The following MDN1 variants were observed in gnomAD, a reference collection of about 807,000 sequenced individuals.
MDN1 encodes the protein midasin.
A neutral mutation model predicts 669.2 loss-of-function variants in MDN1; 266 were observed. That is an observed-to-expected ratio of 0.40 (90% CI 0.36 to 0.44). MDN1 has a LOEUF of 0.44. Among genes scored for constraint, MDN1 ranks in the 20% least tolerant of loss-of-function variants. The pLI is 1.00. For missense variants in MDN1, 5,940 were observed against 6,754.0 expected (o/e 0.88, Z 4.22); for synonymous variants, 2,385 against 2,457.1 (o/e 0.97, Z 0.87).
At chr6:89,719,870 T>C (rs974801983) in intron 40 of MDN1, among the ~76,000 whole-genome samples, 5 of 152,192 alleles carry the variant, frequency 3.3e-5, no homozygotes, top group Admixed American at 2.6e-4. Flanking sequence ...ATTATTTACA[T>C]TGTTATCCTT....
At chr6:89,812,002 T>C (rs940928228) in intron 1 of MDN1, among the ~76,000 whole-genome samples, 6 of 151,988 alleles carry the variant, frequency 3.9e-5, no homozygotes, top group East Asian at 1.9e-4. Context: ...TTTTTTTTTT[T>C]CTGAGATGGA....
In MDN1 at chr6:89,794,087, G is replaced by A; in HGVS notation, c.662+13C>T. 6.6e-7 allele frequency: 1 copy of A among 1,522,250 alleles called. No homozygotes were observed. The highest frequency in any genetic ancestry group is 8.9e-7 in the Non-Finnish European group (1 of 1,120,340). The allele number at this position is 1,522,250 out of a possible 1,614,324, so 94.3% of individuals were successfully genotyped here. A position where few individuals can be genotyped will look rare whatever the true frequency, so the allele number is the denominator to read the frequency against. On this transcript the variant is annotated intron_variant, in intron 4 of 101. Transcript: ENST00000369393. Reference sequence around the variant, plus strand: ...AATGCTATAGCAAGACCTCCACGAAGGTTCCTGCTTACCTCAACCTGAAAT... The same window carrying A: ...AATGCTATAGCAAGACCTCCACGAAAGTTCCTGCTTACCTCAACCTGAAAT...
At chr6:89,670,308 G>A (rs1810662184) in intron 83 of MDN1, among the ~76,000 whole-genome samples, 1 of 149,696 alleles carries the variant, frequency 6.7e-6, no homozygotes, top group African/African-American at 2.5e-5. Flanking sequence ...TTGAGTAGCT[G>A]GGATTACAGG....
In MDN1 at chr6:89,642,801, T is replaced by TTAA. The variant is rs2128296630; in HGVS notation, c.*1201_*1203dup. 6.6e-6 allele frequency: 1 copy of TTAA among 152,350 alleles called. No individual in the cohort carries two copies. Among genetic ancestry groups the TTAA allele is most frequent in the South Asian group, 2.1e-4 (1 of 4,826 alleles). 9.4% of individuals were successfully genotyped at this position (152,350 alleles called of 1,614,324 possible). A position where few individuals can be genotyped will look rare whatever the true frequency, so the allele number is the denominator to read the frequency against. On this transcript the variant is annotated 3_prime_UTR_variant, in exon 102 of 102. Transcript: ENST00000369393. ...TACATCAACAACAGTGGTATATGTT[T>TTAA]TAATAGTTTTCAGAATATAAGCTGC...
chr6:89,642,687 A>G lies in MDN1; in HGVS notation c.*1318T>C, dbSNP rs1390559431. ...CATGTTAGCACAGCATCAACTAGTA[A>G]CAGCTGACTGACTGATCCAGCAGAG... On this transcript the variant is annotated 3_prime_UTR_variant, in exon 102 of 102. Transcript: ENST00000369393. The G allele has an allele frequency of 6.6e-6, 1 of 152,212 alleles. No individual in the cohort carries two copies. Among genetic ancestry groups the G allele is most frequent in the Non-Finnish European group, 1.5e-5 (1 of 68,040 alleles). 9.4% of individuals were successfully genotyped at this position (152,212 alleles called of 1,614,324 possible).
chr6:89,790,723 T>A (rs903716515), intron 5 of MDN1, among the ~76,000 whole-genome samples: 3 of 151,518 alleles, frequency 2.0e-5, no homozygotes, highest in African/African-American at 7.3e-5. Context: ...AATAAATTTT[T>A]AAAAATAAAG....
At chr6:89,655,719 TAGAG>T in intron 92 of MDN1, 41 bp downstream of exon 92, 2 of 1,496,114 alleles carry the variant, frequency 1.3e-6, no homozygotes, top group Non-Finnish European at 1.8e-6. Flanking sequence ...CAAGCTCTCA[TAGAG>T]AGCTCAGTGG....
At chr6:89,691,768 T>C (rs1812394025) in intron 63 of MDN1, among the ~76,000 whole-genome samples, 1 of 152,216 alleles carries the variant, frequency 6.6e-6, no homozygotes, top group Non-Finnish European at 1.5e-5. Context: ...TAGTGGTTTG[T>C]TGTACATTTT....
Position 89,742,999 on chromosome 6 carries a change from C to T in MDN1, c.4448+151G>A, listed in dbSNP as rs1816371538. On this transcript the variant is annotated intron_variant, in intron 31 of 101. Coordinates refer to ENST00000369393, the MANE Select transcript of MDN1 (RefSeq NM_014611.3). ...TATCTATAAAAATCACATCAATCACCTGAGCCCAGAAGTTTGAGGCTACAG... is the reference window on the plus strand; with the variant it reads ...TATCTATAAAAATCACATCAATCACTTGAGCCCAGAAGTTTGAGGCTACAG... 6 of 880,360 alleles carry T rather than the reference C, an allele frequency of 6.8e-6. No individual in the cohort carries two copies. The South Asian group carries it at 9.7e-5, about 14-fold the overall frequency. 54.5% of individuals were successfully genotyped at this position (880,360 alleles called of 1,614,324 possible).
In MDN1 at chr6:89,778,728, C is replaced by CA. The variant is rs547368139; in HGVS notation, c.1725+1483dup. ...TGAAACCCCATCTCTACTAAAAATG[C>CA]AAAAAAAATTAGCTGGGTGTGGTGG... On this transcript the variant is annotated intron_variant, in intron 11 of 101. Coordinates refer to ENST00000369393, the MANE Select transcript of MDN1 (RefSeq NM_014611.3). Among the ~76,000 whole-genome samples the CA allele has an allele frequency of 6.0e-3, 902 of 150,340 alleles. 24 individuals carry two copies. In the East Asian group the frequency reaches 0.093, roughly 15 times the overall value.
intron 2 of MDN1, among the ~76,000 whole-genome samples, chr6:89,795,877 C>A (rs1819566041): frequency 1.3e-5 from 2 of 152,068 alleles, no homozygotes; most frequent in African/African-American, 4.8e-5. Flanking sequence ...ATCGCTTGAA[C>A]CCGGGAAGCG....
At chr6:89,701,439 G>GC in intron 55 of MDN1, 119 bp downstream of exon 55, 1 of 1,328,738 alleles carries the variant, frequency 7.5e-7, no homozygotes, top group South Asian at 1.4e-5. Context: ...AAGGAAAACT[G>GC]CAAGAGTTAT....
rs1408408835 is a variant in MDN1, at chr6:89,676,085, A to G, written c.12645+17T>C. The G allele has an allele frequency of 6.2e-7, 1 of 1,609,030 alleles. No homozygotes were observed. Among genetic ancestry groups the G allele is most frequent in the South Asian group, 1.1e-5 (1 of 90,924 alleles). On this transcript the variant is annotated intron_variant, in intron 77 of 101. Coordinates refer to ENST00000369393, the MANE Select transcript of MDN1 (RefSeq NM_014611.3). ...CTTTCCCTGAGCCCCTGCAAGACTC[A>G]TGTTCTATCATTCTACCTTGGCAGG...
At position 89,776,901 on chromosome 6, in the gene MDN1, T is replaced by C. The variant is rs546618701; in HGVS notation, c.1726-206A>G. Among the ~76,000 whole-genome samples the C allele has an allele frequency of 6.6e-5, 10 of 152,174 alleles. No homozygotes were observed. In the South Asian group the frequency reaches 1.5e-3, roughly 22 times the overall value. On this transcript the variant is annotated intron_variant, in intron 11 of 101. Coordinates refer to ENST00000369393, the MANE Select transcript of MDN1 (RefSeq NM_014611.3). Reference sequence around the variant, plus strand: ...ACAGGACACCAATAAATATAAATAATTGACTATTGAAATACTTGCCAAATA... The same window carrying C: ...ACAGGACACCAATAAATATAAATAACTGACTATTGAAATACTTGCCAAATA...
chr6:89,701,995 G>A lies in MDN1; in HGVS notation c.8215C>T (p.Pro2739Ser), dbSNP rs375321063. The change falls in exon 54 of 102, where the codon CCA (proline) becomes TCA (serine). Residue 2739 changes from proline (P) to serine (S), a missense_variant. By Grantham distance (74) the Pro-to-Ser change is moderately conservative. Coordinates refer to ENST00000369393, the MANE Select transcript of MDN1 (RefSeq NM_014611.3). ...TVADTVKVDA[P>S]GLALLALHWH... ...TGGAGGGCAAGAAGGGCCAGACCTG[G>A]GGCATCTACTTTTACTGTGTCGGCC... is the stretch of plus-strand genomic sequence containing the variant. The A allele has an allele frequency of 3.1e-6, 5 of 1,613,704 alleles. No individual in the cohort carries two copies. The South Asian group carries it at 4.4e-5, about 14-fold the overall frequency.
At chr6:89,692,341 C>G (rs1246437524) in intron 63 of MDN1, 102 bp downstream of exon 63, 2 of 1,019,174 alleles carry the variant, frequency 2.0e-6, no homozygotes, top group African/African-American at 3.2e-5. Context: ...CCCAACGACA[C>G]TGTGTATCTA....
chr6:89,729,733 CATTT>C (rs1194163927), intron 35 of MDN1, among the ~76,000 whole-genome samples: 1 of 98,664 alleles, frequency 1.0e-5, no homozygotes, highest in Non-Finnish European at 1.9e-5. Context: ...GCTAGGAAAA[CATTT>C]ATTACCTCAC....
At chr6:89,710,319 A>C (rs958532482) in intron 50 of MDN1, among the ~76,000 whole-genome samples, 2 of 152,100 alleles carry the variant, frequency 1.3e-5, no homozygotes, top group Non-Finnish European at 2.9e-5. Flanking sequence ...TCCAACTCCT[A>C]GATTCTTTTT....
In MDN1 at chr6:89,743,729, C is replaced by A. The variant is rs374849922; in HGVS notation, c.4179-15G>T. 3 of 1,610,794 alleles carry A rather than the reference C, an allele frequency of 1.9e-6. No homozygotes were observed. In the African/African-American group the frequency reaches 4.0e-5, roughly 22 times the overall value. ...TTTTCCCACACCTGTTAGAGATGTG[C>A]AACTGATTAACAAGGCATGTGTTTC... On this transcript the variant is annotated splice_polypyrimidine_tract_variant and intron_variant, in intron 29 of 101. Coordinates refer to ENST00000369393, the MANE Select transcript of MDN1 (RefSeq NM_014611.3).
Sources: allele counts gnomAD v4.1 joint callset (sites outside exome capture counted in the v4.1 genomes callset), GRCh38; gene constraint gnomAD v4.1.1; transcripts MANE v1.5; gene names NCBI Gene and HGNC (gene_info 2026-07-23, HGNC 2026-07-21).